The following TMEM71 variants were observed in gnomAD, a reference collection of about 807,000 sequenced individuals.
TMEM71 encodes transmembrane protein 71.
Under a neutral mutation model 38.0 loss-of-function variants are expected in TMEM71, and 44 were observed. That is an observed-to-expected ratio of 1.16 (90% confidence interval 0.91 to 1.49). The LOEUF (loss-of-function observed/expected upper bound fraction) is 1.49. Among genes scored for constraint, TMEM71 ranks in the 40% most tolerant of loss-of-function variants. The pLI, the probability that TMEM71 is intolerant of heterozygous loss-of-function variation, is 0.00. For missense variants in TMEM71, 367 were observed against 348.6 expected (o/e 1.05, Z -0.42); for synonymous variants, 133 against 122.5 (o/e 1.09, Z -0.56).
downstream of TMEM71, among the ~76,000 whole-genome samples, chr8:132,709,404 T>C (rs1283339072): frequency 8.5e-5 from 13 of 152,188 alleles, no homozygotes; most frequent in Non-Finnish European, 1.9e-4. Context: ...TGTGGTAAGC[T>C]TACTAATGGT....
At chr8:132,767,877 A>C in the TMEM71 span, among the ~76,000 whole-genome samples, 1 of 152,208 alleles carries the variant, frequency 6.6e-6, no homozygotes, top group Admixed American at 6.5e-5. Flanking sequence ...ATGTCTCTGA[A>C]GAACTTTCAA....
chr8:132,768,848 T>C, the TMEM71 span, among the ~76,000 whole-genome samples: 1 of 152,278 alleles, frequency 6.6e-6, no homozygotes, highest in Non-Finnish European at 1.5e-5. Flanking sequence ...ATAGTGTTAT[T>C]GCTTTCTGGT....
chr8:132,731,400 T>A (rs1318881914), intron 5 of TMEM71, among the ~76,000 whole-genome samples: 1 of 152,208 alleles, frequency 6.6e-6, no homozygotes, highest in Non-Finnish European at 1.5e-5. Context: ...GCTTATTACT[T>A]GACCTTGGGG....
At chr8:132,720,856 C>A (rs1042088537) in intron 7 of TMEM71, among the ~76,000 whole-genome samples, 7 of 152,156 alleles carry the variant, frequency 4.6e-5, no homozygotes, top group African/African-American at 9.7e-5. Context: ...TATTGAAGAA[C>A]CCCTGGCACT....
intron 3 of TMEM71, among the ~76,000 whole-genome samples, chr8:132,756,225 G>A (rs1408383777): frequency 1.3e-5 from 2 of 151,774 alleles, no homozygotes; most frequent in Non-Finnish European, 2.9e-5. Flanking sequence ...GACTGCACAT[G>A]TTTTGGTAGA....
At chr8:132,744,548 G>T (rs79529686) in intron 5 of TMEM71, among the ~76,000 whole-genome samples, 3,991 of 152,206 alleles carry the variant, frequency 0.026, 184 homozygotes, top group African/African-American at 0.092. Flanking sequence ...CAAATAAATG[G>T]AAAAACATCT....
At chr8:132,748,703 C>G (rs1828526284) in intron 4 of TMEM71, among the ~76,000 whole-genome samples, 1 of 152,196 alleles carries the variant, frequency 6.6e-6, no homozygotes, top group African/African-American at 2.4e-5. Flanking sequence ...CACTAAACAA[C>G]TCCTTATTAA....
chr8:132,747,646 C>A (rs1196009496), intron 4 of TMEM71, among the ~76,000 whole-genome samples: 11 of 152,130 alleles, frequency 7.2e-5, no homozygotes, highest in African/African-American at 2.2e-4. Context: ...GAAAGGATTA[C>A]CTAGAGGCTG....
chr8:132,757,224 C>T lies in TMEM71; in HGVS notation c.101+10G>A. On this transcript the variant is annotated intron_variant, in intron 3 of 9. Coordinates refer to ENST00000677595, the MANE Select transcript of TMEM71 (RefSeq NM_001382403.1). ...ATGATTATTTTTTTAAAAGAAGCCC[C>T]ATAGTATACCTTGGGAAAATGCACG... 6 of 1,603,658 alleles carry T rather than the reference C, an allele frequency of 3.7e-6. No individual in the cohort carries two copies. The highest frequency in any genetic ancestry group is 4.3e-6 in the Non-Finnish European group (5 of 1,172,010).
chr8:132,711,502 T>A (rs1425992716), intron 9 of TMEM71, among the ~76,000 whole-genome samples: 1 of 152,178 alleles, frequency 6.6e-6, no homozygotes, highest in Non-Finnish European at 1.5e-5. Flanking sequence ...ATTCACTCAT[T>A]CATTAAGTAT....
At position 132,710,876 on chromosome 8, in the gene TMEM71, A is replaced by G. The variant is rs1307379728; in HGVS notation, c.*91T>C. ...TCCATTACTCGCTTACTCCCTTCCA[A>G]TAAAACACTTGATTCCAAGTAGACT... is the stretch of plus-strand genomic sequence containing the variant. On this transcript the variant is annotated 3_prime_UTR_variant, in exon 10 of 10. Coordinates refer to ENST00000677595, the MANE Select transcript of TMEM71 (RefSeq NM_001382403.1). 8 of 1,267,078 alleles carry G rather than the reference A, an allele frequency of 6.3e-6. No individual in the cohort carries two copies. The highest frequency in any genetic ancestry group is 9.2e-6 in the Non-Finnish European group (8 of 869,778). The allele number at this position is 1,267,078 out of a possible 1,614,324, so 78.5% of individuals were successfully genotyped here. A position where few individuals can be genotyped will look rare whatever the true frequency, so the allele number is the denominator to read the frequency against.
Position 132,710,666 on chromosome 8 carries a change from G to T in TMEM71, c.*301C>A. On this transcript the variant is annotated 3_prime_UTR_variant, in exon 10 of 10. Transcript: ENST00000677595. ...CAAGCTCGAGAACCACTGCCTTAAA[G>T]AATCATAGGGGGACATTTATTCCAG... The T allele has an allele frequency of 1.9e-6, 1 of 526,234 alleles. No homozygotes were observed. Among genetic ancestry groups the T allele is most frequent in the Non-Finnish European group, 3.3e-6 (1 of 303,774 alleles). The allele number at this position is 526,234 out of a possible 1,614,324, so 32.6% of individuals were successfully genotyped here.
At position 132,736,931 on chromosome 8, in the gene TMEM71, A is replaced by G. The variant is rs183126246; in HGVS notation, c.488-8945T>C. Among the ~76,000 whole-genome samples the G allele has an allele frequency of 3.8e-3, 575 of 152,300 alleles. 4 individuals are homozygous for G. The highest frequency in any genetic ancestry group is 0.012 in the African/African-American group (488 of 41,576). On this transcript the variant is annotated intron_variant, in intron 5 of 9. Coordinates refer to ENST00000677595, the MANE Select transcript of TMEM71 (RefSeq NM_001382403.1). The stretch of plus-strand genomic sequence containing the variant: ...GGTGATGGATATGTTAATTAACTTG[A>G]TTTCCCCATTTCACAGTGTGTACAT...
At chr8:132,732,988 C>G (rs1827544956) in intron 5 of TMEM71, among the ~76,000 whole-genome samples, 1 of 152,166 alleles carries the variant, frequency 6.6e-6, no homozygotes, top group East Asian at 1.9e-4. Context: ...CATTAGAGTC[C>G]TTTCGACAAC....
chr8:132,713,497 T>C (rs1422493325), intron 9 of TMEM71, among the ~76,000 whole-genome samples: 1 of 152,154 alleles, frequency 6.6e-6, no homozygotes, highest in Non-Finnish European at 1.5e-5. Context: ...GATGGTGCTA[T>C]CCAGACTGTT....
At chr8:132,735,906 C>G (rs780324980) in intron 5 of TMEM71, among the ~76,000 whole-genome samples, 3 of 152,046 alleles carry the variant, frequency 2.0e-5, no homozygotes, top group Non-Finnish European at 4.4e-5. Context: ...ATAACAGTCA[C>G]GTAAATGCCC....
intron 6 of TMEM71, among the ~76,000 whole-genome samples, chr8:132,723,593 C>G (rs1435634521): frequency 6.6e-6 from 1 of 152,200 alleles, no homozygotes; most frequent in Non-Finnish European, 1.5e-5. Flanking sequence ...TCTGCTAACT[C>G]TCTTTTCACA....
chr8:132,725,855 G>A (rs2131053260), intron 6 of TMEM71, among the ~76,000 whole-genome samples: 2 of 152,258 alleles, frequency 1.3e-5, no homozygotes, highest in South Asian at 4.1e-4. Context: ...TAGCAGGTGG[G>A]AGAGAGATTC....
chr8:132,713,702 A>G lies in TMEM71; in HGVS notation c.872+293T>C, dbSNP rs547352697. Among the ~76,000 whole-genome samples the G allele has an allele frequency of 2.6e-5, 4 of 152,344 alleles. No homozygotes were observed. The East Asian group carries it at 5.8e-4, about 22-fold the overall frequency. On this transcript the variant is annotated intron_variant, in intron 9 of 9. Coordinates refer to ENST00000677595, the MANE Select transcript of TMEM71 (RefSeq NM_001382403.1). ...ACACAAAGGTTTCTTCAGATGAGGT[A>G]TTTATAAAGTGTAGTGCTATGAATC...
Sources: allele counts gnomAD v4.1 joint callset (sites outside exome capture counted in the v4.1 genomes callset), GRCh38; gene constraint gnomAD v4.1.1; transcripts MANE v1.5; gene names NCBI Gene and HGNC (gene_info 2026-07-23, HGNC 2026-07-21).